The following WDR47 variants were observed in gnomAD, a reference collection of about 807,000 sequenced individuals.
WDR47 encodes the protein WD repeat-containing protein 47.
A neutral mutation model predicts 97.2 loss-of-function variants in WDR47; 32 were observed. That is an observed-to-expected ratio of 0.33 (90% CI 0.25 to 0.44). The LOEUF is 0.44. Ranked by LOEUF, WDR47 falls within the 20% of genes least tolerant of loss-of-function variation. The pLI is 1.00. For synonymous variants in WDR47, 375 were observed against 373.5 expected, an observed-to-expected ratio of 1.00 and a Z score of -0.05; for missense variants, 782 against 1,102.3, an observed-to-expected ratio of 0.71 and a Z score of 4.11.
chr1:108,975,363 C>T (rs1657804446), intron 13 of WDR47, among the ~76,000 whole-genome samples: 1 of 151,824 alleles, frequency 6.6e-6, no homozygotes, highest in Admixed American at 6.6e-5. Context: ...GTGGCTCATG[C>T]CTGTAATCCA....
intron 7 of WDR47, among the ~76,000 whole-genome samples, chr1:108,997,772 A>AG (rs1203394914): frequency 6.6e-6 from 1 of 150,846 alleles, no homozygotes; most frequent in East Asian, 1.9e-4. Context: ...AAAAAAAAAA[A>AG]AAAAGAAAGA....
intron 2 of WDR47, among the ~76,000 whole-genome samples, chr1:109,023,106 G>A (rs978597926): frequency 6.6e-6 from 1 of 151,744 alleles, no homozygotes; most frequent in East Asian, 1.9e-4. Context: ...AGGAGGCTGA[G>A]GCAGGAGAAT....
rs573558247 is a variant in WDR47, at chr1:109,024,624, A to G, written c.-9-1103T>C. On this transcript the variant is annotated intron_variant, in intron 1 of 14. Coordinates refer to ENST00000369962, the MANE Select transcript of WDR47 (RefSeq NM_001142551.2). ...TTAGACCTGGGAGGACTATAAGATC[A>G]TTTGTTCAACATTCTAATTTTACCA... 2.6e-5 allele frequency among the ~76,000 whole-genome samples: 4 copies of G among 152,314 alleles called. No individual in the cohort carries two copies. The East Asian group carries it at 5.8e-4, about 22-fold the overall frequency.
chr1:109,011,866 T>C, intron 4 of WDR47, 148 bp from the exon 5 acceptor site: 2 of 746,736 alleles, frequency 2.7e-6, no homozygotes, highest in East Asian at 2.7e-5. Context: ...GATAGGAACA[T>C]AATGTTTTCA....
intron 8 of WDR47, among the ~76,000 whole-genome samples, chr1:108,992,056 A>C (rs986154069): frequency 6.6e-6 from 1 of 152,202 alleles, no homozygotes; most frequent in African/African-American, 2.4e-5. Flanking sequence ...TAAAATCAAC[A>C]GAAAAATGAA....
chr1:109,012,131 T>C (rs1661073679), intron 4 of WDR47, among the ~76,000 whole-genome samples: 1 of 152,106 alleles, frequency 6.6e-6, no homozygotes, highest in Non-Finnish European at 1.5e-5. Flanking sequence ...TATAATTTTT[T>C]AACGGTAAGA....
intron 14 of WDR47, among the ~76,000 whole-genome samples, chr1:108,973,159 A>G (rs1216197628): frequency 2.0e-5 from 3 of 151,928 alleles, no homozygotes; most frequent in Non-Finnish European, 4.4e-5. Context: ...GTCTCTATGC[A>G]AATGGCATTT....
intron 1 of WDR47, among the ~76,000 whole-genome samples, chr1:109,023,911 C>G (rs1425204608): frequency 1.3e-5 from 2 of 152,092 alleles, no homozygotes; most frequent in East Asian, 3.9e-4. Context: ...TTAAAATTTT[C>G]CATAATAGAG....
chr1:109,036,649 A>C (rs1435795808), intron 1 of WDR47, among the ~76,000 whole-genome samples: 1 of 151,954 alleles, frequency 6.6e-6, no homozygotes, highest in Non-Finnish European at 1.5e-5. Context: ...ATCCTGGCTA[A>C]CACGGTGAAA....
chr1:109,024,177 T>C (rs1662042455), intron 1 of WDR47, among the ~76,000 whole-genome samples: 1 of 152,062 alleles, frequency 6.6e-6, no homozygotes, highest in African/African-American at 2.4e-5. Flanking sequence ...TTAGGGCAGG[T>C]GTAGTGGCGT....
intron 13 of WDR47, among the ~76,000 whole-genome samples, 153 bp from the exon 14 acceptor site, chr1:108,974,907 A>G (rs1657764708): frequency 1.3e-5 from 2 of 152,356 alleles, no homozygotes; most frequent in South Asian, 4.1e-4. Context: ...CAGTTAACCA[A>G]TAAACAGTTG....
At position 108,971,649 on chromosome 1, in the gene WDR47, A is replaced by C. The variant is rs538965295; in HGVS notation, c.2618-77T>G. 8 of 1,507,758 alleles carry C rather than the reference A, an allele frequency of 5.3e-6. No homozygotes were observed. The East Asian group carries it at 1.4e-4, about 26-fold the overall frequency. The allele number at this position is 1,507,758 out of a possible 1,614,324, so 93.4% of individuals were successfully genotyped here. A position where few individuals can be genotyped will look rare whatever the true frequency, so the allele number is the denominator to read the frequency against. ...GATTGTATAGACTTCCTGTTACTTT[A>C]AGACATTACAGTATAAAAAATCTTA... On this transcript the variant is annotated intron_variant, in intron 14 of 14. Transcript: ENST00000369962.
At chr1:109,019,625 C>A (rs771867929) in intron 2 of WDR47, among the ~76,000 whole-genome samples, 3 of 152,060 alleles carry the variant, frequency 2.0e-5, no homozygotes, top group Non-Finnish European at 4.4e-5. Context: ...CAAAGGACAA[C>A]CCTCCACAAC....
chr1:109,020,106 A>C (rs1204086498), intron 2 of WDR47, among the ~76,000 whole-genome samples: 2 of 152,104 alleles, frequency 1.3e-5, no homozygotes, highest in Non-Finnish European at 2.9e-5. Flanking sequence ...AACATAAAGA[A>C]ATTTTTTAAA....
At chr1:109,013,140 A>G (rs1365083405) in intron 4 of WDR47, among the ~76,000 whole-genome samples, 1 of 152,200 alleles carries the variant, frequency 6.6e-6, no homozygotes, top group Non-Finnish European at 1.5e-5. Context: ...ACACAGCTAG[A>G]AGGCACCATC....
At chr1:109,016,589 C>A (rs964775284) in intron 3 of WDR47, among the ~76,000 whole-genome samples, 1 of 152,008 alleles carries the variant, frequency 6.6e-6, no homozygotes, top group Admixed American at 6.6e-5. Flanking sequence ...AGATGAAAGG[C>A]CAAAGAACTG....
chr1:108,983,489 T>C lies in WDR47; in HGVS notation c.1926-38A>G, dbSNP rs372337032. ...ATTACAGAAATATATTTCAATTTCT[T>C]GCTTGCTACAATCAGTTATGAGGTT... On this transcript the variant is annotated intron_variant, in intron 10 of 14. Transcript: ENST00000369962. 1.1e-4 allele frequency: 168 copies of C among 1,501,624 alleles called. 1 individual carries two copies. In the African/African-American group the frequency reaches 2.2e-3, roughly 20 times the overall value. The allele number at this position is 1,501,624 out of a possible 1,614,324, so 93.0% of individuals were successfully genotyped here.
Position 109,023,069 on chromosome 1 carries a change from G to C in WDR47, c.158+286C>G, listed in dbSNP as rs564127760. Among the ~76,000 whole-genome samples the C allele has an allele frequency of 6.6e-5, 10 of 151,756 alleles. No homozygotes were observed. The East Asian group carries it at 1.6e-3, about 24-fold the overall frequency. ...AATACAAAAATTAGCTGGCCGTGGT[G>C]ATGGGCGCCTGTAGTCCCAGCTACG... On this transcript the variant is annotated intron_variant, in intron 2 of 14. Transcript: ENST00000369962.
chr1:108,976,972 G>A (rs148628014), intron 13 of WDR47, among the ~76,000 whole-genome samples: 4 of 152,162 alleles, frequency 2.6e-5, no homozygotes, highest in South Asian at 2.1e-4. Flanking sequence ...CTGAAGGTGT[G>A]AGGTGACCAG....
Sources: allele counts gnomAD v4.1 joint callset (sites outside exome capture counted in the v4.1 genomes callset), GRCh38; gene constraint gnomAD v4.1.1; transcripts MANE v1.5; gene names NCBI Gene and HGNC (gene_info 2026-07-23, HGNC 2026-07-21).